PDS5B: variants seen among roughly 807,000 people sequenced by gnomAD.
The protein encoded by PDS5B is PDS5 cohesin associated factor B.
A neutral mutation model predicts 184.1 loss-of-function variants in PDS5B; 51 were observed. That is an observed-to-expected ratio of 0.28 (90% confidence interval 0.22 to 0.35). The LOEUF (loss-of-function observed/expected upper bound fraction) is 0.35, where lower values mean the gene tolerates loss of function less well. PDS5B is among the 10% of genes least tolerant of loss of function. The pLI, the probability that PDS5B is intolerant of heterozygous loss-of-function variation, is 1.00. For synonymous variants in PDS5B, 566 were observed against 569.2 expected (o/e 0.99, Z 0.08); for missense variants, 1,180 against 1,723.3 (o/e 0.68, Z 5.58).
At chr13:32,700,601 T>C (rs1313894988) in intron 16 of PDS5B, among the ~76,000 whole-genome samples, 1 of 152,158 alleles carries the variant, frequency 6.6e-6, no homozygotes, top group African/African-American at 2.4e-5. Context: ...GTATTTATCT[T>C]ACTGATTTGT....
chr13:32,602,838 T>C (rs933940116), intron 1 of PDS5B, among the ~76,000 whole-genome samples: 15 of 152,252 alleles, frequency 9.9e-5, no homozygotes, highest in Non-Finnish European at 2.1e-4. Context: ...TGCATTTCTC[T>C]GATGGCCAGT....
In PDS5B at chr13:32,776,282, TG is replaced by T. The variant is rs34653527; in HGVS notation, c.*1236del. 1 of 152,328 alleles carries T rather than the reference TG, an allele frequency of 6.6e-6. No individual in the cohort carries two copies. The highest frequency in any genetic ancestry group is 1.5e-5 in the Non-Finnish European group (1 of 67,926). 9.4% of individuals were successfully genotyped at this position (152,328 alleles called of 1,614,324 possible). ...TATTTTGGAGCCAAAAAATTGATTC[TG>T]GGGGGTGGGGGCAGCGTAGAAGTGG... On this transcript the variant is annotated 3_prime_UTR_variant, in exon 35 of 35. Transcript: ENST00000315596.
At chr13:32,628,379 C>A (rs571578641) in intron 1 of PDS5B, among the ~76,000 whole-genome samples, 2 of 151,952 alleles carry the variant, frequency 1.3e-5, no homozygotes, top group Non-Finnish European at 2.9e-5. Context: ...CAAGGTGAAA[C>A]CCCGTCTCTA....
At chr13:32,654,415 A>G (rs116946530) in intron 3 of PDS5B, among the ~76,000 whole-genome samples, 4,766 of 152,282 alleles carry the variant, frequency 0.031, 106 homozygotes, top group Middle Eastern at 0.065. Context: ...CCATCGCTAC[A>G]TAGGGTCAAT....
At chr13:32,637,785 G>A (rs1441628227) in intron 1 of PDS5B, among the ~76,000 whole-genome samples, 2 of 152,182 alleles carry the variant, frequency 1.3e-5, no homozygotes, top group Non-Finnish European at 2.9e-5. Flanking sequence ...GGTCAACTGT[G>A]TATCATACTG....
intron 24 of PDS5B, among the ~76,000 whole-genome samples, chr13:32,750,079 G>A (rs1566407772): frequency 1.3e-5 from 2 of 152,240 alleles, no homozygotes; most frequent in East Asian, 3.9e-4. Flanking sequence ...TGATTCTCTT[G>A]AAGTACCTAT....
chr13:32,619,618 A>G (rs2058266854), intron 1 of PDS5B, among the ~76,000 whole-genome samples: 1 of 152,144 alleles, frequency 6.6e-6, no homozygotes, highest in Admixed American at 6.5e-5. Flanking sequence ...TGTTAAATTT[A>G]TTTCAAAAAA....
chr13:32,720,512 G>C (rs1216425592), intron 19 of PDS5B, among the ~76,000 whole-genome samples: 2 of 152,142 alleles, frequency 1.3e-5, no homozygotes, highest in African/African-American at 4.8e-5. Flanking sequence ...CTGCATAATG[G>C]TGCGTTGGTT....
chr13:32,681,560 G>A (rs1195976498), intron 10 of PDS5B, among the ~76,000 whole-genome samples: 2 of 151,798 alleles, frequency 1.3e-5, no homozygotes, highest in Non-Finnish European at 2.9e-5. Context: ...GGAGGCAGAG[G>A]TTGCAGTAAG....
At chr13:32,653,818 C>T (rs1368810611) in intron 3 of PDS5B, among the ~76,000 whole-genome samples, 1 of 152,158 alleles carries the variant, frequency 6.6e-6, no homozygotes, top group Non-Finnish European at 1.5e-5. Flanking sequence ...GGCTGTGGCT[C>T]TCCCGTACTA....
At chr13:32,646,190 A>G (rs1170649895) in intron 1 of PDS5B, among the ~76,000 whole-genome samples, 1 of 152,008 alleles carries the variant, frequency 6.6e-6, no homozygotes, top group Non-Finnish European at 1.5e-5. Flanking sequence ...TATTTTTTGT[A>G]GAGATGAGGT....
At chr13:32,760,235 G>A (rs569064515) in intron 29 of PDS5B, among the ~76,000 whole-genome samples, 177 of 152,286 alleles carry the variant, frequency 1.2e-3, no homozygotes, top group Middle Eastern at 0.01. Context: ...GATTACAGGC[G>A]TGAGCCACTG....
chr13:32,613,934 C>G lies in PDS5B; in HGVS notation c.-20+27341C>G, dbSNP rs562256211. 7.4e-4 allele frequency among the ~76,000 whole-genome samples: 112 copies of G among 152,266 alleles called. 3 individuals are homozygous for G. In the South Asian group the frequency reaches 0.023, roughly 31 times the overall value. On this transcript the variant is annotated intron_variant, in intron 1 of 34. Transcript: ENST00000315596. ...TTGTATATGGTATGAAGTAGGCATG[C>G]ACATTCATTCTTTTGCGTGTTGATA...
At chr13:32,741,300 G>A in intron 22 of PDS5B, 152 bp downstream of exon 22, 3 of 484,750 alleles carry the variant, frequency 6.2e-6, no homozygotes, top group Non-Finnish European at 1.1e-5. Context: ...GAGACTATAG[G>A]GTAATAATGA....
In PDS5B at chr13:32,770,472, G is replaced by A; in HGVS notation, c.3976G>A (p.Glu1326Lys). Residue 1326 changes from glutamate to lysine, a missense_variant, in exon 32 of 35, where the codon GAG becomes AAG. By Grantham distance (56) the Glu-to-Lys change is moderately conservative. Around this residue, in one of 11 missense-constraint regions of PDS5B, gnomAD observed 465 missense variants for 497.8 expected, o/e 0.93. Coordinates refer to ENST00000315596, the MANE Select transcript of PDS5B (RefSeq NM_015032.4). ...AAAATCTGGACCTCCAGCACCAGAG[G>A]AGGAGGAAGAAGAAGAAAGACAAAG... ...KKKSGPPAPE[E>K]EEEEERQSGN... 6.2e-7 allele frequency: 1 copy of A among 1,612,468 alleles called. No homozygotes were observed. Among genetic ancestry groups the A allele is most frequent in the Non-Finnish European group, 8.5e-7 (1 of 1,179,684 alleles).
intron 1 of PDS5B, among the ~76,000 whole-genome samples, chr13:32,618,613 T>A (rs1484555775): frequency 6.6e-6 from 1 of 152,196 alleles, no homozygotes; most frequent in Non-Finnish European, 1.5e-5. Flanking sequence ...TAGTTTCTCC[T>A]TTGTTGAAGT....
At chr13:32,715,738 C>T (rs963528228) in intron 19 of PDS5B, among the ~76,000 whole-genome samples, 19 of 152,108 alleles carry the variant, frequency 1.2e-4, no homozygotes, top group Non-Finnish European at 2.2e-4. Context: ...GCTGCCATCT[C>T]GGCTCACTGC....
chr13:32,717,079 C>A (rs1371431828), intron 19 of PDS5B, among the ~76,000 whole-genome samples: 2 of 150,382 alleles, frequency 1.3e-5, no homozygotes, highest in Non-Finnish European at 1.5e-5. Context: ...GGGGGTCAGC[C>A]CCCCGCCCGG....
At chr13:32,664,071 AG>A (rs1950721503) in intron 6 of PDS5B, among the ~76,000 whole-genome samples, 1 of 152,206 alleles carries the variant, frequency 6.6e-6, no homozygotes, top group African/African-American at 2.4e-5. Flanking sequence ...ATCGCTGAGT[AG>A]TATTCCATGG....
Sources: gnomAD v4.1 joint callset for allele counts (sites outside exome capture counted in the v4.1 genomes callset) on GRCh38, gnomAD v4.1.1 for gene constraint, gnomAD v4.1.1 regional missense constraint, MANE v1.5 for transcripts, NCBI Gene and HGNC (gene_info 2026-07-23, HGNC 2026-07-21) for gene names.